The following TANC2 variants were observed in gnomAD, a reference collection of about 807,000 sequenced individuals.
The protein encoded by TANC2 is tetratricopeptide repeat, ankyrin repeat and coiled-coil containing 2.
A neutral mutation model predicts 210.5 loss-of-function variants in TANC2; 26 were observed. The ratio of observed to expected loss-of-function variants is 0.12; its 90% CI spans 0.09 to 0.17. The LOEUF (loss-of-function observed/expected upper bound fraction) is 0.17. Among genes scored for constraint, TANC2 ranks in the 10% least tolerant of loss-of-function variants. The pLI, the probability that TANC2 is intolerant of heterozygous loss-of-function variation, is 1.00. For missense variants in TANC2, 2,129 were observed against 2,608.9 expected (o/e 0.82, Z 4.01); for synonymous variants, 931 against 967.1 (o/e 0.96, Z 0.69).
intron 9 of TANC2, among the ~76,000 whole-genome samples, chr17:63,308,529 G>T (rs529158255): frequency 6.6e-6 from 1 of 152,164 alleles, no homozygotes; most frequent in East Asian, 1.9e-4. Flanking sequence ...CTGACATTCA[G>T]ACTGTCCTGG....
chr17:63,386,043 A>C (rs527539925), intron 15 of TANC2, among the ~76,000 whole-genome samples: 1 of 152,346 alleles, frequency 6.6e-6, no homozygotes, highest in Non-Finnish European at 1.5e-5. Flanking sequence ...ATGTATAAAC[A>C]CTTGCAGCCA....
chr17:63,345,619 C>CAA (rs752643075), intron 12 of TANC2, among the ~76,000 whole-genome samples: 5,600 of 86,298 alleles, frequency 0.065, 516 homozygotes, highest in African/African-American at 0.2. Context: ...AATTCTGTCT[C>CAA]AAAAAAAAAA....
chr17:63,199,986 A>T (rs2145791061), intron 6 of TANC2, among the ~76,000 whole-genome samples: 1 of 152,322 alleles, frequency 6.6e-6, no homozygotes, highest in Middle Eastern at 3.4e-3. Flanking sequence ...CTGCCTATGT[A>T]TCGAAAAGAC....
chr17:62,971,315 C>T (rs927399789), intron 1 of TANC2, among the ~76,000 whole-genome samples: 1 of 152,176 alleles, frequency 6.6e-6, no homozygotes, highest in Non-Finnish European at 1.5e-5. Context: ...CAGTCTCCTG[C>T]TGCCCTTCGC....
chr17:63,020,483 T>G (rs916396350), intron 2 of TANC2, among the ~76,000 whole-genome samples: 2 of 152,190 alleles, frequency 1.3e-5, no homozygotes, highest in African/African-American at 4.8e-5. Context: ...TAAAATTTTT[T>G]TTATAGAGAC....
At chr17:63,343,108 G>A (rs1334021844) in intron 12 of TANC2, among the ~76,000 whole-genome samples, 2 of 152,204 alleles carry the variant, frequency 1.3e-5, no homozygotes, top group Admixed American at 1.3e-4. Flanking sequence ...AATGGTAGAT[G>A]TATAAGCAAT....
intron 7 of TANC2, among the ~76,000 whole-genome samples, chr17:63,236,024 T>C (rs1264122546): frequency 6.6e-6 from 1 of 152,056 alleles, no homozygotes; most frequent in Non-Finnish European, 1.5e-5. Flanking sequence ...GTAGGGCCTG[T>C]TATTGCTTAC....
chr17:63,259,965 A>G (rs959560494), intron 8 of TANC2, among the ~76,000 whole-genome samples: 15 of 152,092 alleles, frequency 9.9e-5, no homozygotes, highest in African/African-American at 3.6e-4. Flanking sequence ...AAGCGCAGAG[A>G]GCTGTGATTT....
At chr17:63,056,678 C>T (rs945253848) in intron 2 of TANC2, among the ~76,000 whole-genome samples, 25 of 152,070 alleles carry the variant, frequency 1.6e-4, no homozygotes, top group Admixed American at 2.6e-4. Context: ...AACCCTGTCT[C>T]ATAAATAAAA....
At position 63,412,178 on chromosome 17, in the gene TANC2, C is replaced by A; in HGVS notation, c.3898+48C>A. ...TGGCCATCTGTGCCCAGGGGCCAGA[C>A]TGGTCCAGTGGTCTGGCTGCCCTGG... On this transcript the variant is annotated intron_variant, in intron 23 of 27. Transcript: ENST00000689528. The surrounding 1 kb of genome is among the most constrained non-coding windows in gnomAD (Gnocchi z 4.2). 6.2e-7 allele frequency: 1 copy of A among 1,613,072 alleles called. No homozygotes were observed. The highest frequency in any genetic ancestry group is 8.5e-7 in the Non-Finnish European group (1 of 1,179,412).
chr17:63,355,323 C>A lies in TANC2; in HGVS notation c.2515C>A (p.Pro839Thr), dbSNP rs1198699390. 1.9e-6 allele frequency: 3 copies of A among 1,610,674 alleles called. No homozygotes were observed. In the South Asian group the frequency reaches 3.3e-5, roughly 18 times the overall value. The stretch of plus-strand genomic sequence containing the variant: ...AGACATGACTCGTATGTTTGTACAT[C>A]CTTCTTTTCGAGAATGGCTTATCTG... The change falls in exon 14 of 28, where the codon CCT (proline) becomes ACT (threonine). Residue 839 changes from proline to threonine, a missense_variant. Pro to Thr is a conservative substitution (Grantham distance 38). Around this residue, in one of 5 missense-constraint regions of TANC2, gnomAD observed 644 missense variants for 937.5 expected, o/e 0.69. Transcript: ENST00000689528.
chr17:62,970,336 A>G (rs970359480), intron 1 of TANC2, among the ~76,000 whole-genome samples: 1 of 152,200 alleles, frequency 6.6e-6, no homozygotes, highest in Non-Finnish European at 1.5e-5. Context: ...TTGTATTTGT[A>G]TTGGTTACTG....
At chr17:63,427,406 C>T (rs1474985644) in exon 28 of TANC2, 2 of 152,224 alleles carry the variant, frequency 1.3e-5, no homozygotes, top group African/African-American at 4.8e-5. Context: ...AGTATATTAT[C>T]CAATGCATGT....
chr17:63,184,150 A>G (rs1248550715), intron 5 of TANC2, among the ~76,000 whole-genome samples: 2 of 152,204 alleles, frequency 1.3e-5, no homozygotes, highest in African/African-American at 4.8e-5. Context: ...AAATCTCTTG[A>G]TTTCTAATAT....
intron 1 of TANC2, among the ~76,000 whole-genome samples, chr17:63,000,982 A>C (rs932751585): frequency 6.6e-6 from 1 of 151,510 alleles, no homozygotes; most frequent in Non-Finnish European, 1.5e-5. Context: ...AAAAAAAAAA[A>C]AAAACCCTCT....
rs1054815050 is a variant in TANC2 at position 63,221,049 on chromosome 17, A to T, written c.770-16765A>T. On this transcript the variant is annotated intron_variant, in intron 7 of 27. Coordinates refer to ENST00000689528, the Ensembl canonical transcript of TANC2. ...CTAAGTAACCTTGTGTTAGGCAAAA[A>T]TTTTTAAAATTGAACACAATCATTA... Among the ~76,000 whole-genome samples, 171 of 152,128 alleles carry T rather than the reference A, an allele frequency of 1.1e-3. 2 individuals are homozygous for T. Among genetic ancestry groups the T allele is most frequent in the African/African-American group, 3.8e-3 (159 of 41,532 alleles).
intron 19 of TANC2, among the ~76,000 whole-genome samples, chr17:63,402,146 A>G (rs754838395): frequency 2.6e-5 from 4 of 152,158 alleles, no homozygotes; most frequent in Admixed American, 6.6e-5. Context: ...AATTCCAATA[A>G]CAGTAAACAT....
intron 5 of TANC2, among the ~76,000 whole-genome samples, chr17:63,184,163 T>C (rs996314976): frequency 7.2e-5 from 11 of 152,236 alleles, no homozygotes; most frequent in African/African-American, 2.7e-4. Context: ...TCTAATATTA[T>C]GTCTTTATAA....
At chr17:63,124,763 C>T (rs1437847440) in intron 4 of TANC2, among the ~76,000 whole-genome samples, 1 of 152,184 alleles carries the variant, frequency 6.6e-6, no homozygotes, top group East Asian at 1.9e-4. Flanking sequence ...ACTGCTTGAG[C>T]TCCGCCTCCT....
Sources: gnomAD v4.1 joint callset for allele counts (sites outside exome capture counted in the v4.1 genomes callset) on GRCh38, gnomAD v4.1.1 for gene constraint, gnomAD v4.1.1 regional missense constraint, Gnocchi (gnomAD v3.1) non-coding constraint, MANE v1.5 for transcripts, NCBI Gene and HGNC (gene_info 2026-07-23, HGNC 2026-07-21) for gene names.